ADCY4: variants seen among roughly 807,000 people sequenced by gnomAD.
The protein encoded by ADCY4 is adenylate cyclase type 4.
In ADCY4, 111 loss-of-function variants were observed where a neutral mutation model predicts 125.5. The observed-to-expected ratio is 0.88, with a 90% confidence interval of 0.76 to 1.04. The LOEUF is 1.04. ADCY4 is among the 50% of genes least tolerant of loss of function. The pLI is 0.00. For missense variants in ADCY4, 1,256 were observed against 1,382.9 expected, an observed-to-expected ratio of 0.91 and a Z score of 1.46; for synonymous variants, 576 against 586.9, an observed-to-expected ratio of 0.98 and a Z score of 0.27.
At position 24,324,699 on chromosome 14, in the gene ADCY4, GT is replaced by G. The variant is rs112561625; in HGVS notation, c.1824-309del. Among the ~76,000 whole-genome samples the G allele has an allele frequency of 1.3e-3, 190 of 147,680 alleles. 1 individual carries two copies. Among genetic ancestry groups the G allele is most frequent in the South Asian group, 7.1e-3 (33 of 4,658 alleles). On this transcript the variant is annotated intron_variant, in intron 14 of 24. Transcript: ENST00000418030. Reference sequence around the variant, plus strand: ...GCCCAAAGCTCTTTAACTTGGCTGAGTTTTTTTTTTTTCTTTTTTTTTGAGG... The same window carrying G: ...GCCCAAAGCTCTTTAACTTGGCTGAGTTTTTTTTTTTCTTTTTTTTTGAGG...
chr14:24,328,527 C>T (rs2041987011), intron 10 of ADCY4: 2 of 155,724 alleles, frequency 1.3e-5, no homozygotes, highest in South Asian at 1.7e-4. Context: ...CTCTCTGCCT[C>T]GGCTGCCAGG....
chr14:24,329,878 T>G lies in ADCY4; in HGVS notation c.1199A>C (p.Glu400Ala), dbSNP rs1410433083. 1 of 1,613,946 alleles carries G rather than the reference T, an allele frequency of 6.2e-7. No individual in the cohort carries two copies. The highest frequency in any genetic ancestry group is 1.7e-5 in the Admixed American group (1 of 60,020). Residue 400 changes from glutamate (E) to alanine (A), a missense_variant, in exon 8 of 25, where the codon GAG becomes GCG. Glu to Ala is a moderately radical substitution (Grantham distance 107). Coordinates refer to ENST00000418030, the MANE Select transcript of ADCY4 (RefSeq NM_001198568.2). ...SHDVTLANHMEAGGVPGRVHI... is the reference protein window; with the variant it reads ...SHDVTLANHMAAGGVPGRVHI... ...GTCTCACCCTGGTACACCGCCTGCCTCCATGTGGTTAGCCAGTGTGACATC... is the reference window on the plus strand; with the variant it reads ...GTCTCACCCTGGTACACCGCCTGCCGCCATGTGGTTAGCCAGTGTGACATC...
At chr14:24,332,766 C>G in intron 2 of ADCY4, 25 bp downstream of exon 2, 2 of 1,531,444 alleles carry the variant, frequency 1.3e-6, no homozygotes, top group South Asian at 1.2e-5. Flanking sequence ...GCCGTCCCCG[C>G]TGCCCCGCCT....
intron 1 of ADCY4, among the ~76,000 whole-genome samples, chr14:24,333,993 C>T (rs2139230915): frequency 6.6e-6 from 1 of 152,302 alleles, no homozygotes; most frequent in East Asian, 1.9e-4. Flanking sequence ...GAAAAGAAAA[C>T]CAGGGGCAGG....
rs558422046 is a variant in ADCY4, at chr14:24,329,095, C to T, written c.1490G>A (p.Gly497Glu). Residue 497 changes from glycine (G) to glutamate (E), a missense_variant, in exon 10 of 25, where the codon GGA becomes GAA. Gly to Glu is a moderately conservative substitution (Grantham distance 98). Transcript: ENST00000418030. Reference sequence around the variant, plus strand: ...GGTGGAGGTGGACACAGGGCTGTCTCCGTGGCTCAGGTGGGCAAAAGGCTT... The same window carrying T: ...GGTGGAGGTGGACACAGGGCTGTCTTCGTGGCTCAGGTGGGCAAAAGGCTT... Reference protein sequence around the residue: ...AAKPFAHLSHGDSPVSTSTPL... With the variant: ...AAKPFAHLSHEDSPVSTSTPL... The T allele has an allele frequency of 1.9e-6, 3 of 1,613,842 alleles. No individual in the cohort carries two copies. The highest frequency in any genetic ancestry group is 1.1e-5 in the South Asian group (1 of 91,078).
Position 24,324,195 on chromosome 14 carries a change from C to A in ADCY4, c.1913G>T (p.Cys638Phe). 6.2e-7 allele frequency: 1 copy of A among 1,614,226 alleles called. No homozygotes were observed. The highest frequency in any genetic ancestry group is 8.5e-7 in the Non-Finnish European group (1 of 1,180,026). ...FVCFSEDLMR[C>F]VLKGPKMLHW... ...CAGCATCTTGGGGCCTTTCAGGACA[C>A]ACCTCTGTGGAGGGAGCATGGGCAT... The change falls in exon 16 of 25, where the codon TGT (cysteine) becomes TTT (phenylalanine). Residue 638 changes from cysteine (C) to phenylalanine (F), a missense_variant. Transcript: ENST00000418030.
At chr14:24,318,997 G>A in intron 23 of ADCY4, 101 bp downstream of exon 23, 1 of 1,478,932 alleles carries the variant, frequency 6.8e-7, no homozygotes, top group Non-Finnish European at 9.3e-7. Context: ...CAGGAAAGGG[G>A]CTTCAGGATG....
chr14:24,322,213 G>A lies in ADCY4; in HGVS notation c.2439C>T (p.Tyr813=), dbSNP rs1361942750. 1 of 1,613,386 alleles carries A rather than the reference G, an allele frequency of 6.2e-7. No individual in the cohort carries two copies. The highest frequency in any genetic ancestry group is 8.5e-7 in the Non-Finnish European group (1 of 1,179,480). The change falls in exon 20 of 25, where the codon TAC becomes TAT. Residue 813 remains tyrosine (Y), a synonymous_variant. Coordinates refer to ENST00000418030, the MANE Select transcript of ADCY4 (RefSeq NM_001198568.2). ...TCTTCCACAGGAAGTCCAGGCGGCA[G>A]TAGTACTCATTCTGGGGAGGGTCAC... The part of the protein sequence containing the change: ...LLVLARQNEY[Y]CRLDFLWKKK...
intron 10 of ADCY4, among the ~76,000 whole-genome samples, chr14:24,328,256 G>A (rs996285236): frequency 2.1e-5 from 3 of 145,684 alleles, no homozygotes; most frequent in East Asian, 2.2e-4. Flanking sequence ...CCCTTTCCCT[G>A]GGGGAGTTTA....
rs2041824337 is a variant in ADCY4 at position 24,319,786 on chromosome 14, C to T, written c.2689G>A (p.Glu897Lys). 1.2e-6 allele frequency: 2 copies of T among 1,614,172 alleles called. No homozygotes were observed. Among genetic ancestry groups the T allele is most frequent in the Non-Finnish European group, 1.7e-6 (2 of 1,180,024 alleles). The change falls in exon 21 of 25, where the codon GAG (glutamate) becomes AAG (lysine). Residue 897 changes from glutamate to lysine, a missense_variant. By Grantham distance (56) the Glu-to-Lys change is moderately conservative. Transcript: ENST00000418030. The surrounding 1 kb of genome is among the most constrained non-coding windows in gnomAD (Gnocchi z 4.5). ...ATCTCATTGAGCAGCCTCAGACACT[C>T]TAGGCCCTCATGATTGATGTTGGAT... ...SESNINHEGL[E>K]CLRLLNEIIA...
chr14:24,321,972 G>A (rs894797187), intron 20 of ADCY4, 94 bp downstream of exon 20: 17 of 1,481,980 alleles, frequency 1.1e-5, no homozygotes, highest in Non-Finnish European at 1.4e-5. Context: ...ACCCTTCTGG[G>A]GGTTCTAGAG....
At chr14:24,331,481 T>C (rs925167140) in intron 4 of ADCY4, 125 bp from the exon 5 acceptor site, 5 of 1,334,220 alleles carry the variant, frequency 3.7e-6, no homozygotes, top group Non-Finnish European at 5.1e-6. Flanking sequence ...CCCCAGGTCC[T>C]CCCGCTGCAC....
In ADCY4 at chr14:24,334,657, T is replaced by C. The variant is rs1448466865; in HGVS notation, c.-5A>G. On this transcript the variant is annotated 5_prime_UTR_variant, in exon 1 of 25. Transcript: ENST00000418030. ...GGGGCTGAAGAGGCGGGCCATGATC[T>C]CCCCAGCCCCGAGCCCCGGGGCTGG... 6.5e-7 allele frequency: 1 copy of C among 1,537,060 alleles called. No individual in the cohort carries two copies. The highest frequency in any genetic ancestry group is 8.7e-7 in the Non-Finnish European group (1 of 1,144,140).
rs1204952238 is a variant in ADCY4, at chr14:24,319,743, T to A, written c.2732A>T (p.Glu911Val). 1.2e-6 allele frequency: 2 copies of A among 1,614,130 alleles called. No individual in the cohort carries two copies. The highest frequency in any genetic ancestry group is 1.7e-6 in the Non-Finnish European group (2 of 1,180,006). Residue 911 changes from glutamate to valine, a missense_variant and splice_region_variant, in exon 21 of 25, where the codon GAG becomes GTG. Physicochemically the swap from Glu to Val is moderately radical, Grantham distance 121. Transcript: ENST00000418030. This position sits in a 1 kb window ranked among gnomAD's most constrained non-coding sequence, Gnocchi z 4.5. The stretch of plus-strand genomic sequence containing the variant: ...CTGGGAGACTCTTGGAATTTTCACC[T>A]CATCAAAATCAGCAATTATCTCATT... ...LLNEIIADFD[E>V]LLSKPKFSGV...
rs115928316 is a variant in ADCY4 at position 24,319,971 on chromosome 14, T to A, written c.2587-83A>T. 2,326 of 1,493,672 alleles carry A rather than the reference T, an allele frequency of 1.6e-3. 37 individuals are homozygous for A. In the African/African-American group the frequency reaches 0.029, roughly 19 times the overall value. The allele number at this position is 1,493,672 out of a possible 1,614,324, so 92.5% of individuals were successfully genotyped here. The stretch of plus-strand genomic sequence containing the variant: ...GGTCTGCGTGGGGCCCTCCTCCCCA[T>A]GTCCACACTCCTGGTCTCCCTGTTT... On this transcript the variant is annotated intron_variant, in intron 20 of 24. Transcript: ENST00000418030. The surrounding 1 kb of genome is among the most constrained non-coding windows in gnomAD (Gnocchi z 4.5).
chr14:24,321,204 A>G lies in ADCY4; in HGVS notation c.2586+862T>C, dbSNP rs562576708. 2.0e-3 allele frequency among the ~76,000 whole-genome samples: 299 copies of G among 150,482 alleles called. 1 individual carries two copies. The highest frequency in any genetic ancestry group is 5.2e-3 in the Admixed American group (79 of 15,060). Reference sequence around the variant, plus strand: ...GGTGGGTGGATCACCTGAGATCAGGAGATCGAGATCAGCCTGACCAACATG... The same window carrying G: ...GGTGGGTGGATCACCTGAGATCAGGGGATCGAGATCAGCCTGACCAACATG... On this transcript the variant is annotated intron_variant, in intron 20 of 24. Transcript: ENST00000418030.
At chr14:24,325,555 G>A in intron 13 of ADCY4, 81 bp from the exon 14 acceptor site, 1 of 1,279,612 alleles carries the variant, frequency 7.8e-7, no homozygotes, top group South Asian at 1.3e-5. Flanking sequence ...GGCAAGGGGT[G>A]GGCTCCTCAG....
Position 24,332,857 on chromosome 14 carries a change from C to G in ADCY4, c.291G>C (p.Trp97Cys). Residue 97 changes from tryptophan (W) to cysteine (C), a missense_variant, in exon 2 of 25, where the codon TGG becomes TGC. Coordinates refer to ENST00000418030, the MANE Select transcript of ADCY4 (RefSeq NM_001198568.2). ...CGTGGCCTAGCGCTAGCAGCGCGAC[C>G]CATACCAAGCCGGACAGGGGACGCG... is the stretch of plus-strand genomic sequence containing the variant. ...RWTRPLSGLV[W>C]VALLALGHAF... 2 of 1,601,814 alleles carry G rather than the reference C, an allele frequency of 1.2e-6. No homozygotes were observed. The highest frequency in any genetic ancestry group is 1.1e-5 in the South Asian group (1 of 90,442).
chr14:24,323,022 G>A lies in ADCY4; in HGVS notation c.2224C>T (p.Leu742=). 8.1e-6 allele frequency: 13 copies of A among 1,614,160 alleles called. No individual in the cohort carries two copies. The highest frequency in any genetic ancestry group is 1.1e-5 in the Non-Finnish European group (13 of 1,180,020). Residue 742 remains leucine (L), a synonymous_variant, in exon 18 of 25, where the codon CTG becomes TTG. Coordinates refer to ENST00000418030, the MANE Select transcript of ADCY4 (RefSeq NM_001198568.2). Reference sequence around the variant, plus strand: ...CACAGCAGGAGCAGCAGCAGCTTCAGCTCGAAGCTCATGTGCAGAAAGAGG... The same window carrying A: ...CACAGCAGGAGCAGCAGCAGCTTCAACTCGAAGCTCATGTGCAGAAAGAGG... ...CSLFLHMSFE[L]KLLLLLLWLA... is the part of the protein sequence containing the mutation.
Sources: allele counts gnomAD v4.1 joint callset (sites outside exome capture counted in the v4.1 genomes callset), GRCh38; gene constraint gnomAD v4.1.1; non-coding constraint Gnocchi (gnomAD v3.1); transcripts MANE v1.5; gene names NCBI Gene and HGNC (gene_info 2026-07-23, HGNC 2026-07-21).